Variants in SORBS2 observed in about 807,000 individuals in gnomAD.
SORBS2 encodes the protein sorbin and SH3 domain containing 2.
Under a neutral mutation model 97.7 loss-of-function variants are expected in SORBS2, and 46 were observed. The observed-to-expected ratio is 0.47, with a 90% CI of 0.37 to 0.60. SORBS2 has a LOEUF of 0.60. SORBS2 is among the 20% of genes least tolerant of loss of function. The probability of loss-of-function intolerance (pLI) is 0.00; values close to 1 mark genes in which losing one functional copy is unlikely to be tolerated. For missense variants in SORBS2, 1,316 were observed against 1,282.3 expected, an observed-to-expected ratio of 1.03 and a Z score of -0.40; for synonymous variants, 476 against 473.4, an observed-to-expected ratio of 1.01 and a Z score of -0.07.
intron 1 of SORBS2, among the ~76,000 whole-genome samples, chr4:185,947,401 C>A (rs1456036418): frequency 2.6e-5 from 4 of 152,172 alleles, no homozygotes; most frequent in Non-Finnish European, 5.9e-5. Context: ...GTCTTTTCTT[C>A]CTAGGTTAAT....
chr4:185,611,210 AT>A (rs1424846803), intron 12 of SORBS2, among the ~76,000 whole-genome samples: 6 of 152,024 alleles, frequency 3.9e-5, no homozygotes, highest in Non-Finnish European at 8.8e-5. Context: ...CTAATTAAAA[AT>A]TTTTGCTCTA....
chr4:185,707,989 C>T (rs1190099971), intron 2 of SORBS2, among the ~76,000 whole-genome samples: 1 of 152,200 alleles, frequency 6.6e-6, no homozygotes, highest in Non-Finnish European at 1.5e-5. Context: ...ACAAACATCC[C>T]TGAGCACTTT....
exon 14 of SORBS2, chr4:185,589,716 A>G (rs369497514): frequency 7.8e-5 from 125 of 1,612,496 alleles, no homozygotes; most frequent in Non-Finnish European, 1.0e-4. Flanking sequence ...CCATGACATC[A>G]ATGACATCAC....
chr4:185,639,158 G>A lies in SORBS2; in HGVS notation c.396+7510C>T, dbSNP rs73876133. On this transcript the variant is annotated intron_variant, in intron 4 of 14. Coordinates refer to ENST00000418609, the Ensembl canonical transcript of SORBS2. ...GGGAGGGGAGAGGCCTCCGGACGGC[G>A]AAGTGTCCCTAGGGACCCAGACGCC... 2,368 of 876,134 alleles carry A rather than the reference G, an allele frequency of 2.7e-3. 44 individuals carry two copies. In the African/African-American group the frequency reaches 0.039, roughly 14 times the overall value. 54.3% of individuals were successfully genotyped at this position (876,134 alleles called of 1,614,324 possible). A position where few individuals can be genotyped will look rare whatever the true frequency, so the allele number is the denominator to read the frequency against.
intron 1 of SORBS2, among the ~76,000 whole-genome samples, chr4:185,873,940 G>C (rs2099231884): frequency 6.6e-6 from 1 of 151,744 alleles, no homozygotes; most frequent in South Asian, 2.1e-4. Flanking sequence ...CTAACTTTTT[G>C]CTTTGCTAGC....
intron 1 of SORBS2, among the ~76,000 whole-genome samples, chr4:185,792,893 C>T (rs916557699): frequency 1.3e-5 from 2 of 152,242 alleles, no homozygotes; most frequent in African/African-American, 4.8e-5. Context: ...TGGAATCCCA[C>T]TTTCCCCACA....
intron 2 of SORBS2, among the ~76,000 whole-genome samples, chr4:185,732,461 T>G (rs572113096): frequency 6.6e-6 from 1 of 152,316 alleles, no homozygotes; most frequent in East Asian, 1.9e-4. Context: ...GAGACCAAAG[T>G]GCCTATGTGA....
intron 2 of SORBS2, among the ~76,000 whole-genome samples, chr4:185,720,500 T>C (rs1217549446): frequency 1.3e-5 from 2 of 152,182 alleles, no homozygotes; most frequent in Non-Finnish European, 2.9e-5. Context: ...TTTCTCTTCC[T>C]TAGGCCCAGG....
At chr4:185,794,392 G>A (rs1388257597) in intron 1 of SORBS2, among the ~76,000 whole-genome samples, 1 of 152,102 alleles carries the variant, frequency 6.6e-6, no homozygotes, top group Non-Finnish European at 1.5e-5. Flanking sequence ...TGTACTACAG[G>A]GACAGTTTGA....
chr4:185,902,726 C>T (rs2099248399), intron 1 of SORBS2, among the ~76,000 whole-genome samples: 1 of 151,482 alleles, frequency 6.6e-6, no homozygotes, highest in Admixed American at 6.6e-5. Context: ...GAGCAACATG[C>T]ATGTTCAGTC....
At chr4:185,886,563 A>AAAAGAAAAGAAAAGAAAAG (rs1285731137) in intron 1 of SORBS2, among the ~76,000 whole-genome samples, 1 of 127,556 alleles carries the variant, frequency 7.8e-6, no homozygotes, top group Non-Finnish European at 1.7e-5. Flanking sequence ...TCAAAAAAAA[A>AAAAGAAAAGAAAAGAAAAG]AAAAAAAAAA....
intron 11 of SORBS2, among the ~76,000 whole-genome samples, chr4:185,612,765 C>T (rs947234556): frequency 3.9e-5 from 6 of 152,024 alleles, no homozygotes; most frequent in Admixed American, 3.3e-4. Context: ...GCTGGGATTG[C>T]AGGCATGAGC....
chr4:185,633,526 T>C (rs993079629), intron 4 of SORBS2, among the ~76,000 whole-genome samples: 1 of 151,878 alleles, frequency 6.6e-6, no homozygotes, highest in Non-Finnish European at 1.5e-5. Flanking sequence ...GTTAAGTTTC[T>C]ACTATTTTTA....
chr4:185,656,641 T>C, exon 1 of SORBS2: 2 of 1,551,226 alleles, frequency 1.3e-6, no homozygotes, highest in Non-Finnish European at 1.7e-6. Context: ...GCTTTCATCC[T>C]GTCCCCGGCT....
intron 2 of SORBS2, among the ~76,000 whole-genome samples, chr4:185,706,953 A>G (rs992289165): frequency 3.3e-5 from 5 of 152,092 alleles, no homozygotes; most frequent in African/African-American, 4.8e-5. Context: ...GCTATATTGG[A>G]GAGTTCTGTC....
intron 1 of SORBS2, among the ~76,000 whole-genome samples, chr4:185,863,696 A>G (rs1198184092): frequency 6.6e-6 from 1 of 152,198 alleles, no homozygotes; most frequent in Non-Finnish European, 1.5e-5. Flanking sequence ...ATACTCAGAA[A>G]CTGTAATTGG....
At chr4:185,669,932 T>G (rs902734314) in intron 4 of SORBS2, among the ~76,000 whole-genome samples, 3 of 152,144 alleles carry the variant, frequency 2.0e-5, no homozygotes, top group African/African-American at 7.2e-5. Flanking sequence ...AGTAAACATG[T>G]AATAGGGCAA....
chr4:185,802,728 T>G (rs1173797976), intron 1 of SORBS2, among the ~76,000 whole-genome samples: 2 of 152,204 alleles, frequency 1.3e-5, no homozygotes, highest in Non-Finnish European at 2.9e-5. Flanking sequence ...ATTGGGCAGA[T>G]ATAGTTTTTT....
chr4:185,673,064 C>T (rs1239820719), intron 4 of SORBS2, among the ~76,000 whole-genome samples: 1 of 152,202 alleles, frequency 6.6e-6, no homozygotes, highest in African/African-American at 2.4e-5. Context: ...CTGCCACATG[C>T]TGTAACATGG....
Sources: gnomAD v4.1 joint callset for allele counts (sites outside exome capture counted in the v4.1 genomes callset) on GRCh38, gnomAD v4.1.1 for gene constraint, MANE v1.5 for transcripts, NCBI Gene and HGNC (gene_info 2026-07-23, HGNC 2026-07-21) for gene names.